The following SGMS1 variants were observed in gnomAD, a reference collection of about 807,000 sequenced individuals.
SGMS1 encodes phosphatidylcholine:ceramide cholinephosphotransferase 1.
A neutral mutation model predicts 46.2 loss-of-function variants in SGMS1; 13 were observed. The observed-to-expected ratio is 0.28, with a 90% confidence interval of 0.18 to 0.45. The LOEUF (loss-of-function observed/expected upper bound fraction) is 0.45. Ranked by LOEUF, SGMS1 falls within the 20% of genes least tolerant of loss-of-function variation. SGMS1 has a pLI of 1.00. For missense variants in SGMS1, 324 were observed against 519.9 expected (o/e 0.62, Z 3.66); for synonymous variants, 203 against 187.8 (o/e 1.08, Z -0.66).
chr10:50,558,762 C>G (rs1234394446), intron 2 of SGMS1, among the ~76,000 whole-genome samples: 1 of 152,136 alleles, frequency 6.6e-6, no homozygotes, highest in African/African-American at 2.4e-5. Context: ...TATGATGATC[C>G]ACTTCCACCT....
intron 2 of SGMS1, among the ~76,000 whole-genome samples, chr10:50,520,238 A>T (rs941233770): frequency 6.6e-6 from 1 of 152,114 alleles, no homozygotes; most frequent in African/African-American, 2.4e-5. Context: ...AATAATTTTT[A>T]AAATAGCCAG....
At chr10:50,312,225 C>T (rs1017796021) in intron 8 of SGMS1, among the ~76,000 whole-genome samples, 5 of 151,382 alleles carry the variant, frequency 3.3e-5, no homozygotes, top group African/African-American at 4.9e-5. Flanking sequence ...CAATATTTAA[C>T]TTATAAGAAT....
intron 6 of SGMS1, among the ~76,000 whole-genome samples, chr10:50,375,746 A>T (rs1039628978): frequency 6.6e-6 from 1 of 152,234 alleles, no homozygotes; most frequent in Non-Finnish European, 1.5e-5. Context: ...TGCCCAGATT[A>T]AATTATTTGA....
At chr10:50,451,917 C>T (rs1837114926) in intron 5 of SGMS1, among the ~76,000 whole-genome samples, 1 of 152,074 alleles carries the variant, frequency 6.6e-6, no homozygotes, top group Non-Finnish European at 1.5e-5. Context: ...ACTATTTGCC[C>T]TTACAAATAA....
intron 6 of SGMS1, among the ~76,000 whole-genome samples, chr10:50,415,057 C>T: frequency 6.6e-6 from 1 of 152,310 alleles, no homozygotes; most frequent in Admixed American, 6.5e-5. Context: ...GGAGGCGGAG[C>T]TTGCAGTGAG....
intron 7 of SGMS1, among the ~76,000 whole-genome samples, chr10:50,338,076 C>G (rs1847745899): frequency 6.6e-6 from 1 of 152,162 alleles, no homozygotes; most frequent in South Asian, 2.1e-4. Flanking sequence ...AGGTCCCAAG[C>G]AGGATCTGTG....
chr10:50,362,115 A>G (rs1848258831), intron 6 of SGMS1, among the ~76,000 whole-genome samples: 2 of 152,250 alleles, frequency 1.3e-5, no homozygotes, highest in South Asian at 4.1e-4. Context: ...ATGAGAATGC[A>G]AAGGAGATGA....
At chr10:50,468,022 G>T (rs569131982) in intron 3 of SGMS1, among the ~76,000 whole-genome samples, 11 of 152,120 alleles carry the variant, frequency 7.2e-5, no homozygotes, top group Non-Finnish European at 1.3e-4. Context: ...GGGAGAGAAG[G>T]GAGTGGGGAG....
chr10:50,463,025 A>AG (rs1837284202), intron 4 of SGMS1, among the ~76,000 whole-genome samples: 1 of 152,122 alleles, frequency 6.6e-6, no homozygotes, highest in African/African-American at 2.4e-5. Context: ...AGTTAACTCA[A>AG]GATGGACTAA....
At chr10:50,403,357 C>G (rs1564903292) in intron 6 of SGMS1, among the ~76,000 whole-genome samples, 2 of 152,146 alleles carry the variant, frequency 1.3e-5, no homozygotes, top group African/African-American at 4.8e-5. Context: ...TCCCAGCTGT[C>G]AAGAGCCTGA....
At chr10:50,413,339 T>A (rs981704670) in intron 6 of SGMS1, among the ~76,000 whole-genome samples, 1 of 152,218 alleles carries the variant, frequency 6.6e-6, no homozygotes, top group Admixed American at 6.5e-5. Flanking sequence ...TATTTCACCG[T>A]GCTGCTGATG....
chr10:50,406,059 C>T (rs1440083027), intron 6 of SGMS1, among the ~76,000 whole-genome samples: 1 of 151,964 alleles, frequency 6.6e-6, no homozygotes, highest in African/African-American at 2.4e-5. Flanking sequence ...GTGCAATTAC[C>T]TTGTTGAAAA....
intron 3 of SGMS1, among the ~76,000 whole-genome samples, chr10:50,489,199 T>C (rs7090807): frequency 0.35 from 53,311 of 152,006 alleles, 9,549 homozygotes; most frequent in Admixed American, 0.41. Flanking sequence ...TTTTAAGTTA[T>C]CTTTCATTGA....
intron 6 of SGMS1, among the ~76,000 whole-genome samples, chr10:50,416,965 C>T (rs1338777300): frequency 2.0e-5 from 3 of 151,730 alleles, no homozygotes; most frequent in African/African-American, 7.3e-5. Flanking sequence ...CAGTCTCTAT[C>T]TTCATAAATG....
intron 2 of SGMS1, among the ~76,000 whole-genome samples, chr10:50,570,340 C>T (rs1373457053): frequency 3.3e-5 from 5 of 152,188 alleles, no homozygotes; most frequent in Non-Finnish European, 7.4e-5. Flanking sequence ...ATTATTAATC[C>T]TCAGGTCAAT....
intron 6 of SGMS1, among the ~76,000 whole-genome samples, chr10:50,416,224 G>A (rs1364287657): frequency 6.6e-6 from 1 of 152,144 alleles, no homozygotes; most frequent in Non-Finnish European, 1.5e-5. Flanking sequence ...AGGAGCAATT[G>A]GAGCCACATA....
rs1486428044 is a variant in SGMS1 at position 50,468,711 on chromosome 10, T to C, written c.-497-1779A>G. Among the ~76,000 whole-genome samples, 4 of 152,188 alleles carry C rather than the reference T, an allele frequency of 2.6e-5. No homozygotes were observed. In the East Asian group the frequency reaches 7.7e-4, roughly 29 times the overall value. ...GCCACACCTGCATGAATATTTAATTTCTATCACAAGTACTTTCAAAAAGCA... is the reference window on the plus strand; with the variant it reads ...GCCACACCTGCATGAATATTTAATTCCTATCACAAGTACTTTCAAAAAGCA... On this transcript the variant is annotated intron_variant, in intron 3 of 10. Transcript: ENST00000361781.
chr10:50,404,477 T>C (rs555728544), intron 6 of SGMS1, among the ~76,000 whole-genome samples: 1 of 152,032 alleles, frequency 6.6e-6, no homozygotes, highest in Non-Finnish European at 1.5e-5. Context: ...GGCATCGTGG[T>C]GCATGCCTGT....
Position 50,495,238 on chromosome 10 carries a change from C to CA in SGMS1, c.-498+24592dup, listed in dbSNP as rs35409405. Among the ~76,000 whole-genome samples the CA allele has an allele frequency of 6.5e-3, 493 of 75,762 alleles. 45 individuals are homozygous for CA. Among genetic ancestry groups the CA allele is most frequent in the African/African-American group, 0.017 (325 of 18,818 alleles). The allele number at this position is 75,762 out of a possible 152,430, so 49.7% of individuals were successfully genotyped here. Reference sequence around the variant, plus strand: ...GGGCAGCAGAGTGAAGATTCCGTCTCAAAAAAAAAAAAAAAAAAGTTAAGA... The same window carrying CA: ...GGGCAGCAGAGTGAAGATTCCGTCTCAAAAAAAAAAAAAAAAAAAGTTAAGA... On this transcript the variant is annotated intron_variant, in intron 3 of 10. Transcript: ENST00000361781.
Sources: gnomAD v4.1 joint callset for allele counts (sites outside exome capture counted in the v4.1 genomes callset) on GRCh38, gnomAD v4.1.1 for gene constraint, MANE v1.5 for transcripts, NCBI Gene and HGNC (gene_info 2026-07-23, HGNC 2026-07-21) for gene names.